PIGS: variants seen among roughly 807,000 people sequenced by gnomAD.
PIGS encodes GPI-anchor transamidase component PIGS.
PIGS carries 37 observed loss-of-function variants against 58.2 expected under a neutral mutation model. That is an observed-to-expected ratio of 0.64 (90% CI 0.49 to 0.84). PIGS has a LOEUF of 0.84. PIGS is among the 40% of genes least tolerant of loss of function. The pLI, the probability that PIGS is intolerant of heterozygous loss-of-function variation, is 0.00. For synonymous variants in PIGS, 269 were observed against 289.2 expected, an observed-to-expected ratio of 0.93 and a Z score of 0.71; for missense variants, 629 against 710.8, an observed-to-expected ratio of 0.88 and a Z score of 1.31.
intron 6 of PIGS, among the ~76,000 whole-genome samples, chr17:28,560,764 G>A (rs1158076062): frequency 1.3e-5 from 2 of 151,564 alleles, no homozygotes; most frequent in Middle Eastern, 3.2e-3. Flanking sequence ...GACGACAGGA[G>A]GCTCCGTCTC....
Position 28,570,897 on chromosome 17 carries a change from T to C in PIGS, c.241A>G (p.Lys81Glu). ...RESVPLDDQEKLPFTVVHERE... is the reference protein window; with the variant it reads ...RESVPLDDQEELPFTVVHERE... ...TCATGCACAACGGTGAAGGGCAGCTTCTCCTGGTCGTCCAGGGGCACTGAC... is the reference window on the plus strand; with the variant it reads ...TCATGCACAACGGTGAAGGGCAGCTCCTCCTGGTCGTCCAGGGGCACTGAC... Residue 81 changes from lysine (K) to glutamate (E), a missense_variant, in exon 3 of 12, where the codon AAG becomes GAG. By Grantham distance (56) the Lys-to-Glu change is moderately conservative (BLOSUM62 1). Coordinates refer to ENST00000308360, the MANE Select transcript of PIGS (RefSeq NM_033198.4). 6.2e-7 allele frequency: 1 copy of C among 1,614,092 alleles called. No individual in the cohort carries two copies. The highest frequency in any genetic ancestry group is 1.1e-5 in the South Asian group (1 of 91,070).
chr17:28,555,498 T>C, intron 10 of PIGS: 1 of 188,896 alleles, frequency 5.3e-6, no homozygotes, highest in Admixed American at 5.3e-5. Flanking sequence ...GAGACACTGC[T>C]AGTCAATCAG....
chr17:28,569,198 G>A (rs1014629044), intron 3 of PIGS, among the ~76,000 whole-genome samples: 1 of 151,298 alleles, frequency 6.6e-6, no homozygotes. Context: ...TTAACCAGCC[G>A]GGTGCGGTGG....
In PIGS at chr17:28,563,536, C is replaced by T; in HGVS notation, c.377-14G>A. The T allele has an allele frequency of 6.2e-7, 1 of 1,610,688 alleles. No individual in the cohort carries two copies. Among genetic ancestry groups the T allele is most frequent in the South Asian group, 1.1e-5 (1 of 91,004 alleles). On this transcript the variant is annotated splice_polypyrimidine_tract_variant and intron_variant, in intron 4 of 11. Coordinates refer to ENST00000308360, the MANE Select transcript of PIGS (RefSeq NM_033198.4). ...TGGCTTCTGCCTCTGGGGGCAAGAA[C>T]AGGTGGTACACCAAGAGCAAAACAC...
chr17:28,554,738 G>T, intron 11 of PIGS, 113 bp downstream of exon 11: 1 of 1,420,414 alleles, frequency 7.0e-7, no homozygotes, highest in Non-Finnish European at 9.9e-7. Flanking sequence ...GGACACTAAA[G>T]ATGGCAAGCC....
At chr17:28,556,421 G>A in intron 9 of PIGS, 155 bp from the exon 10 acceptor site, 2 of 718,062 alleles carry the variant, frequency 2.8e-6, no homozygotes, top group Non-Finnish European at 5.0e-6. Context: ...CTACTACGGA[G>A]AGCATTAAAT....
intron 3 of PIGS, among the ~76,000 whole-genome samples, chr17:28,568,102 T>C (rs1238116836): frequency 6.6e-6 from 1 of 152,076 alleles, no homozygotes; most frequent in African/African-American, 2.4e-5. Context: ...TTGACTTACT[T>C]GTCTTTTTTT....
intron 3 of PIGS, among the ~76,000 whole-genome samples, chr17:28,566,853 A>G (rs1165089653): frequency 6.6e-6 from 1 of 152,072 alleles, no homozygotes; most frequent in African/African-American, 2.4e-5. Flanking sequence ...TTGGCCTCCC[A>G]AAGTTCTGGG....
Position 28,555,064 on chromosome 17 carries a change from G to A in PIGS, c.1182-3C>T, listed in dbSNP as rs200079387. 9 of 1,610,804 alleles carry A rather than the reference G, an allele frequency of 5.6e-6. No homozygotes were observed. Among genetic ancestry groups the A allele is most frequent in the Non-Finnish European group, 7.6e-6 (9 of 1,178,164 alleles). On this transcript the variant is annotated splice_region_variant and splice_polypyrimidine_tract_variant and intron_variant, in intron 10 of 11. Transcript: ENST00000308360. ...GCTGAGCAATCCCAAAGAGCAACCT[G>A]TAGGAACATCGGAGTAAGATCAAGG...
chr17:28,560,603 C>A (rs1022543888), intron 6 of PIGS, among the ~76,000 whole-genome samples: 1 of 151,950 alleles, frequency 6.6e-6, no homozygotes, highest in Admixed American at 6.6e-5. Context: ...CATGGTGAAA[C>A]CCCGTCTCTA....
intron 4 of PIGS, 46 bp downstream of exon 4, chr17:28,563,772 A>G: frequency 6.4e-7 from 1 of 1,553,000 alleles, no homozygotes; most frequent in Non-Finnish European, 8.9e-7. Context: ...ATCAGAAGGA[A>G]AAAGAGGGCT....
chr17:28,557,316 C>T (rs1024964449), intron 8 of PIGS: 3 of 256,984 alleles, frequency 1.2e-5, no homozygotes, highest in African/African-American at 7.0e-5. Flanking sequence ...TATGTCAGTT[C>T]CCTGCTTAAT....
At chr17:28,561,101 C>CA (rs2070361275) in intron 6 of PIGS, among the ~76,000 whole-genome samples, 1 of 151,724 alleles carries the variant, frequency 6.6e-6, no homozygotes, top group African/African-American at 2.4e-5. Context: ...ACTAAAAATA[C>CA]AAAAAAATTA....
chr17:28,561,593 C>T lies in PIGS; in HGVS notation c.505G>A (p.Val169Met). 1 of 1,613,602 alleles carries T rather than the reference C, an allele frequency of 6.2e-7. No homozygotes were observed. Among genetic ancestry groups the T allele is most frequent in the Non-Finnish European group, 8.5e-7 (1 of 1,179,772 alleles). ...TCCCGGTGCATTATCCCCCGCACCA[C>T]TGCTGTCCTCTTGGGCCCAATGTAG... The part of the protein sequence containing the change: ...MSYIGPKRTA[V>M]VRGIMHREAF... The change falls in exon 6 of 12, where the codon GTG becomes ATG. Residue 169 changes from valine to methionine, a missense_variant. Physicochemically the swap from Val to Met is conservative, Grantham distance 21. Transcript: ENST00000308360.
At position 28,556,127 on chromosome 17, in the gene PIGS, A is replaced by T. The variant is rs2151511594; in HGVS notation, c.1181+39T>A. 1.9e-6 allele frequency: 3 copies of T among 1,550,472 alleles called. No homozygotes were observed. In the East Asian group the frequency reaches 6.7e-5, roughly 35 times the overall value. On this transcript the variant is annotated intron_variant, in intron 10 of 11. Coordinates refer to ENST00000308360, the MANE Select transcript of PIGS (RefSeq NM_033198.4). ...ACTTTGCAACTCCCCTCTACAGCCAAGGAGACTATGTCCCCAAGTGGATCA... is the reference window on the plus strand; with the variant it reads ...ACTTTGCAACTCCCCTCTACAGCCATGGAGACTATGTCCCCAAGTGGATCA...
chr17:28,571,147 C>G lies in PIGS; in HGVS notation c.76G>C (p.Val26Leu), dbSNP rs1248211453. 1 of 1,613,800 alleles carries G rather than the reference C, an allele frequency of 6.2e-7. No individual in the cohort carries two copies. The change falls in exon 2 of 12, where the codon GTG becomes CTG. Residue 26 changes from valine to leucine, a missense_variant. Physicochemically the swap from Val to Leu is conservative, Grantham distance 32. Transcript: ENST00000308360. ...GKRAALFFAA[V>L]AIVLGLPLWW... is the part of the protein sequence containing the mutation. ...AGCGGTAGCCCCAGCACGATGGCCACCGCAGCGAAGAAGAGGGCGGCGCGC... is the reference window on the plus strand; with the variant it reads ...AGCGGTAGCCCCAGCACGATGGCCAGCGCAGCGAAGAAGAGGGCGGCGCGC...
chr17:28,558,481 C>G lies in PIGS; in HGVS notation c.929G>C (p.Arg310Pro). The change falls in exon 8 of 12, where the codon CGG becomes CCG. Residue 310 changes from arginine (R) to proline (P), a missense_variant. Coordinates refer to ENST00000308360, the MANE Select transcript of PIGS (RefSeq NM_033198.4). ...CCTCATCCTTAGGTGCTCACCCAGCCGGGACTCCACTGGGTTGATGACATG... is the reference window on the plus strand; with the variant it reads ...CCTCATCCTTAGGTGCTCACCCAGCGGGGACTCCACTGGGTTGATGACATG... ...LPHVINPVES[R>P]LGSSAASLYP... The G allele has an allele frequency of 6.2e-7, 1 of 1,609,358 alleles. No individual in the cohort carries two copies. Among genetic ancestry groups the G allele is most frequent in the Non-Finnish European group, 8.5e-7 (1 of 1,177,010 alleles).
At chr17:28,565,512 T>G (rs1158931889) in intron 3 of PIGS, among the ~76,000 whole-genome samples, 4 of 152,154 alleles carry the variant, frequency 2.6e-5, no homozygotes, top group African/African-American at 9.7e-5. Flanking sequence ...AACCTAAAAT[T>G]TATTGAAAAA....
rs1487836116 is a variant in PIGS at position 28,563,914 on chromosome 17, G to A, written c.287-7C>T. 5 of 1,610,588 alleles carry A rather than the reference G, an allele frequency of 3.1e-6. No homozygotes were observed. Among genetic ancestry groups the A allele is most frequent in the East Asian group, 4.5e-5 (2 of 44,860 alleles). On this transcript the variant is annotated splice_region_variant and splice_polypyrimidine_tract_variant and intron_variant, in intron 3 of 11. Coordinates refer to ENST00000308360, the MANE Select transcript of PIGS (RefSeq NM_033198.4). ...CATTTGATTTTCATTTTGTCTGGGA[G>A]GGATAAGAAGTAGCACAATGAAAAG... is the stretch of plus-strand genomic sequence containing the variant.
Sources: gnomAD v4.1 joint callset for allele counts (sites outside exome capture counted in the v4.1 genomes callset) on GRCh38, gnomAD v4.1.1 for gene constraint, MANE v1.5 for transcripts, NCBI Gene and HGNC (gene_info 2026-07-23, HGNC 2026-07-21) for gene names.